Variants in ARMCX4 observed in about 807,000 individuals in gnomAD.
The protein encoded by ARMCX4 is armadillo repeat-containing X-linked protein 4.
Under a neutral mutation model 34.7 loss-of-function variants are expected in ARMCX4, and 3 were observed. The ratio of observed to expected loss-of-function variants is 0.09; its 90% CI spans 0.04 to 0.22. The LOEUF is 0.22. Among genes scored for constraint, ARMCX4 ranks in the 10% least tolerant of loss-of-function variants. ARMCX4 has a pLI of 1.00. For synonymous variants in ARMCX4, 513 were observed against 632.8 expected (o/e 0.81, Z 2.84); for missense variants, 1,448 against 1,720.8 (o/e 0.84, Z 2.81).
chrX:101,525,631 C>T (rs1556020252), intron 11 of ARMCX4, among the ~76,000 whole-genome samples: 1 of 110,805 alleles, frequency 9.0e-6, no homozygotes. Context: ...CTTAGGTGAC[C>T]TAATGGAGCT....
At chrX:101,431,322 A>G (rs1414304958) in intron 2 of ARMCX4, among the ~76,000 whole-genome samples, 1 of 111,520 alleles carries the variant, frequency 9.0e-6, no homozygotes, top group Non-Finnish European at 1.9e-5. Flanking sequence ...GCAAACAAAA[A>G]CAAGAACAGA....
At position 101,423,100 on chromosome X, in the gene ARMCX4, A is replaced by G. The variant is rs150072329; in HGVS notation, n.164+4100A>G. ...AATCTTTGTATTTTTACTAGAGACA[A>G]TGTTTCACCATGTTGGCCAGGCTGG... On this transcript the variant is annotated intron_variant and non_coding_transcript_variant, in intron 2 of 3. Coordinates refer to the ARMCX4 transcript ENST00000430461. Among the ~76,000 whole-genome samples the G allele has an allele frequency of 2.3e-3, 247 of 107,127 alleles. 3 individuals carry two copies. The highest frequency in any genetic ancestry group is 8.0e-3 in the African/African-American group (238 of 29,661). 93.0% of individuals were successfully genotyped at this position (107,127 alleles called of 115,157 possible). A position where few individuals can be genotyped will look rare whatever the true frequency, so the allele number is the denominator to read the frequency against.
chrX:101,434,064 G>A (rs1930506834), intron 2 of ARMCX4, among the ~76,000 whole-genome samples: 1 of 107,762 alleles, frequency 9.3e-6, no homozygotes, highest in African/African-American at 3.4e-5. Context: ...TCCCACCTCA[G>A]CCTCCCAAGT....
At chrX:101,525,453 C>T (rs782366582) in intron 11 of ARMCX4, among the ~76,000 whole-genome samples, 156 of 111,679 alleles carry the variant, frequency 1.4e-3, no homozygotes, top group Non-Finnish European at 2.1e-3. Context: ...TGGAATGAAG[C>T]GGGATGGAGA....
At position 101,490,234 on chromosome X, in the gene ARMCX4, C is replaced by A. The variant is rs995095961; in HGVS notation, c.1645C>A (p.Gln549Lys). 2.8e-5 allele frequency: 32 copies of A among 1,153,310 alleles called. No homozygotes were observed. The highest frequency in any genetic ancestry group is 1.0e-4 in the Admixed American group (4 of 38,509). ...TGGGATGGACATGAAAACCTGTACA[C>A]AACCTCAGGCTGGGGTCAAGACCCC... is the stretch of plus-strand genomic sequence containing the variant. ...GPGMDMKTCT[Q>K]PQAGVKTPAE... Residue 549 changes from glutamine to lysine, a missense_variant, in exon 6 of 6, where the codon CAA (glutamine) becomes AAA (lysine). By Grantham distance (53) the Gln-to-Lys change is moderately conservative. Coordinates refer to ENST00000423738, the MANE Select transcript of ARMCX4 (RefSeq NM_001256155.3).
At chrX:101,466,710 G>A (rs1222013440) in intron 4 of ARMCX4, among the ~76,000 whole-genome samples, 2 of 111,797 alleles carry the variant, frequency 1.8e-5, no homozygotes, top group African/African-American at 6.5e-5. Flanking sequence ...GGGGTGCTGA[G>A]GCTGAAGAGA....
downstream of ARMCX4, among the ~76,000 whole-genome samples, chrX:101,500,614 T>C (rs1174722872): frequency 2.7e-5 from 3 of 112,453 alleles, no homozygotes. Context: ...TGCAATGGCA[T>C]ACCAGACATG....
At chrX:101,430,909 T>C (rs1298466881) in intron 2 of ARMCX4, among the ~76,000 whole-genome samples, 5 of 111,466 alleles carry the variant, frequency 4.5e-5, no homozygotes, top group Non-Finnish European at 7.5e-5. Context: ...GGATAGAGTC[T>C]CAGAAGGAAG....
At chrX:101,487,560 A>G in intron 3 of ARMCX4, 48 bp from the exon 4 acceptor site, 2 of 732,159 alleles carry the variant, frequency 2.7e-6, no homozygotes, top group South Asian at 2.4e-5. Flanking sequence ...TGTCTGTTCT[A>G]CCAGGGACTC....
At chrX:101,473,665 C>T (rs1454458543) in intron 4 of ARMCX4, among the ~76,000 whole-genome samples, 30 of 105,111 alleles carry the variant, frequency 2.9e-4, no homozygotes, top group African/African-American at 8.6e-4. Context: ...CACTCAAAAC[C>T]GCTCAACTAC....
chrX:101,442,648 A>C (rs1457046814), intron 2 of ARMCX4, among the ~76,000 whole-genome samples: 1 of 111,373 alleles, frequency 9.0e-6, no homozygotes, highest in Non-Finnish European at 1.9e-5. Flanking sequence ...AACCTTGACC[A>C]AAAGCAGGTC....
intron 4 of ARMCX4, among the ~76,000 whole-genome samples, chrX:101,468,776 G>A (rs1556002506): frequency 2.7e-5 from 3 of 110,769 alleles, no homozygotes; most frequent in Non-Finnish European, 5.7e-5. Flanking sequence ...ACCATGCCTG[G>A]CTAATTTTTT....
At chrX:101,501,133 T>C (rs1476946051) in intron 7 of ARMCX4, among the ~76,000 whole-genome samples, 1 of 112,562 alleles carries the variant, frequency 8.9e-6, no homozygotes, top group African/African-American at 3.2e-5. Context: ...CCTCTTTGGG[T>C]TCTGGAAATA....
At chrX:101,498,958 C>T (rs1193185782), downstream of ARMCX4, 5 of 112,053 alleles carry the variant, frequency 4.5e-5, no homozygotes, top group African/African-American at 1.3e-4. Context: ...CCCGCACCTC[C>T]TATCCTGGCC....
At chrX:101,515,391 T>TTCCCTCCCTCCC (rs1406593096) in intron 11 of ARMCX4, among the ~76,000 whole-genome samples, 2 of 18,220 alleles carry the variant, frequency 1.1e-4, no homozygotes, top group African/African-American at 4.5e-4. Flanking sequence ...TTTTCTTTCT[T>TTCCCTCCCTCCC]TCCCTCCCTC....
intron 4 of ARMCX4, among the ~76,000 whole-genome samples, chrX:101,455,448 A>G (rs1268647508): frequency 9.0e-6 from 1 of 111,490 alleles, no homozygotes; most frequent in African/African-American, 3.3e-5. Flanking sequence ...TATTAAGCAA[A>G]TCATCTTATT....
At chrX:101,523,653 AACAAC>A in intron 11 of ARMCX4, among the ~76,000 whole-genome samples, 2 of 111,829 alleles carry the variant, frequency 1.8e-5, no homozygotes, top group Admixed American at 1.9e-4. Flanking sequence ...CCAAGCAAAC[AACAAC>A]AATCTCCAGG....
intron 11 of ARMCX4, among the ~76,000 whole-genome samples, chrX:101,512,328 G>A (rs1274447194): frequency 2.7e-5 from 3 of 111,523 alleles, no homozygotes; most frequent in Admixed American, 9.5e-5. Flanking sequence ...CTGTGATTGC[G>A]CCACTGCACT....
rs148902151 is a variant in ARMCX4, at chrX:101,478,568, G to A, written c.-472-7455G>A. ...GGAGATTCCAGAACTGGGCATTGTG[G>A]TGCAGGGTAACCAGGCTCTTCCATT... On this transcript the variant is annotated intron_variant and NMD_transcript_variant, in intron 4 of 15. Coordinates refer to the ARMCX4 transcript ENST00000433011. Among the ~76,000 whole-genome samples the A allele has an allele frequency of 9.3e-3, 1,036 of 111,658 alleles. 8 individuals carry two copies. Among genetic ancestry groups the A allele is most frequent in the African/African-American group, 0.014 (417 of 30,810 alleles).
Sources: gnomAD v4.1 joint callset for allele counts (sites outside exome capture counted in the v4.1 genomes callset) on GRCh38, gnomAD v4.1.1 for gene constraint, MANE v1.5 for transcripts, NCBI Gene and HGNC (gene_info 2026-07-23, HGNC 2026-07-21) for gene names.